LARGE1: variants seen among roughly 807,000 people sequenced by gnomAD.
LARGE1 encodes xylosyl- and glucuronyltransferase LARGE1.
Under a neutral mutation model 87.6 loss-of-function variants are expected in LARGE1, and 43 were observed. The ratio of observed to expected loss-of-function variants is 0.49; its 90% CI spans 0.38 to 0.63. LARGE1 has a LOEUF of 0.63. Ranked by LOEUF, LARGE1 falls within the 30% of genes least tolerant of loss-of-function variation. The pLI, the probability that LARGE1 is intolerant of heterozygous loss-of-function variation, is 0.00. For missense variants in LARGE1, 802 were observed against 1,000.2 expected, an observed-to-expected ratio of 0.80 and a Z score of 2.67; for synonymous variants, 434 against 394.6, an observed-to-expected ratio of 1.10 and a Z score of -1.18.
chr22:33,384,113 C>G (rs1277412520), intron 8 of LARGE1, 79 bp downstream of exon 8: 1 of 996,314 alleles, frequency 1.0e-6, no homozygotes, highest in Non-Finnish European at 1.6e-6. Context: ...CCATTCAGAT[C>G]GATTTAATTT....
At chr22:33,749,541 G>A (rs2084232145) in intron 2 of LARGE1, among the ~76,000 whole-genome samples, 1 of 152,224 alleles carries the variant, frequency 6.6e-6, no homozygotes. Context: ...TGGGGGCTAT[G>A]TTCCCCCAAC....
At chr22:33,351,755 CT>C (rs60911479) in intron 9 of LARGE1, among the ~76,000 whole-genome samples, 87,002 of 146,308 alleles carry the variant, frequency 0.59, 25,969 homozygotes, top group East Asian at 0.75. Context: ...AAATTAGAAA[CT>C]TTTTTTTTTT....
At chr22:33,119,947 T>C in the LARGE1 span, among the ~76,000 whole-genome samples, 1 of 152,164 alleles carries the variant, frequency 6.6e-6, no homozygotes, top group Admixed American at 6.5e-5. Context: ...CTGTCTCCTT[T>C]AGGAGCTGAA....
intron 9 of LARGE1, among the ~76,000 whole-genome samples, chr22:33,346,594 C>A (rs774945799): frequency 6.6e-6 from 1 of 152,156 alleles, no homozygotes. Flanking sequence ...TGAGCCTCCG[C>A]GCCTGGCCTC....
intron 11 of LARGE1, among the ~76,000 whole-genome samples, chr22:33,264,546 C>T (rs1019249472): frequency 6.6e-6 from 1 of 152,176 alleles, no homozygotes; most frequent in African/African-American, 2.4e-5. Flanking sequence ...GTAGTCTCAG[C>T]TACTTGGGAA....
At chr22:33,508,209 C>A (rs1403991250) in intron 6 of LARGE1, among the ~76,000 whole-genome samples, 1 of 152,118 alleles carries the variant, frequency 6.6e-6, no homozygotes, top group Admixed American at 6.6e-5. Flanking sequence ...GGTGCTAGAT[C>A]CCACCCTGCT....
intron 11 of LARGE1, among the ~76,000 whole-genome samples, chr22:33,181,308 T>C (rs1228597823): frequency 6.6e-6 from 1 of 152,174 alleles, no homozygotes; most frequent in African/African-American, 2.4e-5. Context: ...ATGGAGTATC[T>C]ACTGTATACA....
intron 6 of LARGE1, among the ~76,000 whole-genome samples, chr22:33,560,268 C>G (rs1028591387): frequency 6.6e-6 from 1 of 152,140 alleles, no homozygotes; most frequent in East Asian, 1.9e-4. Flanking sequence ...GAGTGGCTGG[C>G]ACAGACTAAG....
intron 6 of LARGE1, among the ~76,000 whole-genome samples, chr22:33,513,812 T>TATACACACACACAC (rs2071163296): frequency 7.0e-6 from 1 of 143,180 alleles, no homozygotes; most frequent in Non-Finnish European, 1.5e-5. Flanking sequence ...AGAGCTGATG[T>TATACACACACACAC]ACACACACAC....
chr22:33,701,491 GAACGTGATTT>G (rs2082402687), intron 2 of LARGE1, among the ~76,000 whole-genome samples: 2 of 152,184 alleles, frequency 1.3e-5, no homozygotes, highest in Admixed American at 1.3e-4. Flanking sequence ...GTGTAGGGTG[GAACGTGATTT>G]AACAGTGCCA....
chr22:33,660,559 G>A (rs240344), intron 2 of LARGE1, among the ~76,000 whole-genome samples: 83,312 of 152,024 alleles, frequency 0.55, 23,576 homozygotes, highest in Middle Eastern at 0.7. Context: ...AGCCTTGAAG[G>A]CATCACCAGC....
At chr22:33,559,558 AC>A (rs1416457734) in intron 6 of LARGE1, among the ~76,000 whole-genome samples, 2 of 152,078 alleles carry the variant, frequency 1.3e-5, no homozygotes, top group Non-Finnish European at 2.9e-5. Flanking sequence ...AAAGGTACTA[AC>A]CCCATTCATA....
intron 6 of LARGE1, among the ~76,000 whole-genome samples, chr22:33,484,273 G>A (rs1305217090): frequency 6.6e-6 from 1 of 152,092 alleles, no homozygotes; most frequent in Non-Finnish European, 1.5e-5. Flanking sequence ...AAAGAAAAAT[G>A]AGCCAGATCT....
intron 7 of LARGE1, among the ~76,000 whole-genome samples, chr22:33,410,054 G>C (rs546934460): frequency 6.6e-6 from 1 of 152,186 alleles, no homozygotes; most frequent in East Asian, 1.9e-4. Context: ...GGACATGCCT[G>C]TCCAGTATAT....
chr22:33,789,730 T>C (rs567245703), intron 1 of LARGE1, among the ~76,000 whole-genome samples: 1 of 152,356 alleles, frequency 6.6e-6, no homozygotes, highest in South Asian at 2.1e-4. Context: ...CTGCCCCATA[T>C]GATTTCGGAC....
chr22:33,380,587 G>A (rs112008809), intron 9 of LARGE1, among the ~76,000 whole-genome samples: 1 of 152,118 alleles, frequency 6.6e-6, no homozygotes, highest in Non-Finnish European at 1.5e-5. Context: ...AACACCATGT[G>A]GCTCACCCAG....
chr22:33,622,660 C>T (rs935459940), intron 4 of LARGE1, among the ~76,000 whole-genome samples: 1 of 152,208 alleles, frequency 6.6e-6, no homozygotes, highest in African/African-American at 2.4e-5. Flanking sequence ...CCCGCTGCCA[C>T]TGGAATCTCT....
intron 6 of LARGE1, among the ~76,000 whole-genome samples, chr22:33,494,581 T>C (rs1427382477): frequency 6.6e-6 from 1 of 152,220 alleles, no homozygotes; most frequent in African/African-American, 2.4e-5. Flanking sequence ...AATCTGTATA[T>C]TTTAAATGGT....
intron 5 of LARGE1, among the ~76,000 whole-genome samples, chr22:33,595,952 C>T (rs907905250): frequency 3.3e-5 from 5 of 152,092 alleles, no homozygotes; most frequent in East Asian, 3.9e-4. Context: ...AGGCATAAGG[C>T]GAATATTTCT....
Sources: allele counts gnomAD v4.1 joint callset (sites outside exome capture counted in the v4.1 genomes callset), GRCh38; gene constraint gnomAD v4.1.1; transcripts MANE v1.5; gene names NCBI Gene and HGNC (gene_info 2026-07-23, HGNC 2026-07-21).